Variants in ACER1 observed in about 807,000 individuals in gnomAD.
ACER1 encodes alkaline ceramidase 1, also known as CTB-180A7.3.
A neutral mutation model predicts 24.9 loss-of-function variants in ACER1; 28 were observed. That is an observed-to-expected ratio of 1.13 (90% CI 0.83 to 1.54). ACER1 has a LOEUF of 1.54. Among genes scored for constraint, ACER1 ranks in the 40% most tolerant of loss-of-function variants. The pLI, the probability that ACER1 is intolerant of heterozygous loss-of-function variation, is 0.00. For synonymous variants in ACER1, 132 were observed against 131.4 expected (o/e 1.00, Z -0.03); for missense variants, 352 against 349.3 (o/e 1.01, Z -0.06).
chr19:6,312,028 A>C, intron 3 of ACER1, 121 bp downstream of exon 3: 751 of 1,212,104 alleles, frequency 6.2e-4, no homozygotes, highest in Non-Finnish European at 7.8e-4. Flanking sequence ...TGGTCAGGGG[A>C]GGAATTCCAA....
chr19:6,308,195 G>A (rs981790682), intron 4 of ACER1, among the ~76,000 whole-genome samples: 5 of 152,140 alleles, frequency 3.3e-5, no homozygotes, highest in African/African-American at 1.2e-4. Context: ...AGCACTTTGG[G>A]AGGCCGAGGC....
chr19:6,311,963 G>C (rs889876282), intron 3 of ACER1, among the ~76,000 whole-genome samples, 186 bp downstream of exon 3: 2 of 152,080 alleles, frequency 1.3e-5, no homozygotes. Context: ...TAAGCTCAGG[G>C]GAGGGGTCTC....
intron 1 of ACER1, among the ~76,000 whole-genome samples, chr19:6,323,497 G>A (rs1045416204): frequency 1.3e-5 from 2 of 152,036 alleles, no homozygotes; most frequent in East Asian, 1.9e-4. Flanking sequence ...TGCCATCCAC[G>A]TAAGATGTGA....
chr19:6,323,322 A>C (rs543415014), intron 1 of ACER1, among the ~76,000 whole-genome samples: 23 of 150,580 alleles, frequency 1.5e-4, no homozygotes, highest in Non-Finnish European at 3.1e-4. Flanking sequence ...TGGGAGGCTG[A>C]GGCAGGAGAA....
intron 1 of ACER1, among the ~76,000 whole-genome samples, chr19:6,325,159 C>G (rs760496133): frequency 3.9e-5 from 6 of 152,188 alleles, no homozygotes; most frequent in Non-Finnish European, 5.9e-5. Flanking sequence ...TGACTCTCCT[C>G]TGTTCAAAAG....
intron 1 of ACER1, among the ~76,000 whole-genome samples, chr19:6,324,860 AAAGGAAGGAAGG>A (rs775468275): frequency 0.021 from 2,062 of 100,260 alleles, 53 homozygotes; most frequent in African/African-American, 0.073. Flanking sequence ...AGAGAGAGAG[AAAGGAAGGAAGG>A]AAGGAAGGAA....
At chr19:6,357,041 A>C in the ACER1 span, among the ~76,000 whole-genome samples, 25 of 136,136 alleles carry the variant, frequency 1.8e-4, no homozygotes, top group East Asian at 6.0e-3. Flanking sequence ...CTGAGCTGAG[A>C]CTTTTTTTTT....
At chr19:6,342,067 G>GTT in the ACER1 span, among the ~76,000 whole-genome samples, 1 of 151,872 alleles carries the variant, frequency 6.6e-6, no homozygotes, top group African/African-American at 2.4e-5. Flanking sequence ...TAAAGACAGT[G>GTT]TTTAAGTCAA....
At chr19:6,308,015 G>A (rs547326408) in intron 4 of ACER1, among the ~76,000 whole-genome samples, 1 of 149,738 alleles carries the variant, frequency 6.7e-6, no homozygotes, top group African/African-American at 2.5e-5. Context: ...CCCAAGAGGC[G>A]GAGGTTGCAA....
At chr19:6,336,103 G>A (rs970010452), upstream of ACER1, among the ~76,000 whole-genome samples, 2 of 152,026 alleles carry the variant, frequency 1.3e-5, no homozygotes, top group Admixed American at 1.3e-4. Context: ...GTTTCACCAT[G>A]TTGGCCAGGC....
At chr19:6,337,404 T>C (rs1045723869), upstream of ACER1, among the ~76,000 whole-genome samples, 5 of 152,028 alleles carry the variant, frequency 3.3e-5, no homozygotes, top group Non-Finnish European at 7.4e-5. Context: ...CTTGTATTCA[T>C]GGTAAGCCAA....
intron 1 of ACER1, among the ~76,000 whole-genome samples, chr19:6,319,574 C>G (rs1034786166): frequency 6.6e-6 from 1 of 151,990 alleles, no homozygotes; most frequent in African/African-American, 2.4e-5. Context: ...TGCTCAAGGA[C>G]CATACCAGTG....
intron 1 of ACER1, among the ~76,000 whole-genome samples, chr19:6,333,022 A>T (rs2091696105): frequency 6.6e-6 from 1 of 152,046 alleles, no homozygotes; most frequent in African/African-American, 2.4e-5. Context: ...GCACACTGGG[A>T]CAAGTTGGTC....
chr19:6,324,523 C>G (rs1472329474), intron 1 of ACER1, among the ~76,000 whole-genome samples: 1 of 150,148 alleles, frequency 6.7e-6, no homozygotes, highest in East Asian at 2.0e-4. Context: ...TTTGGGAGGC[C>G]GAGGCGGGCA....
chr19:6,349,160 G>GGAAGAA, the ACER1 span, among the ~76,000 whole-genome samples: 7 of 149,816 alleles, frequency 4.7e-5, no homozygotes, highest in Admixed American at 3.4e-4. Context: ...GAAGGAAGAA[G>GGAAGAA]GAAGAAGAAG....
the ACER1 span, among the ~76,000 whole-genome samples, chr19:6,341,783 C>G: frequency 6.6e-6 from 1 of 152,066 alleles, no homozygotes; most frequent in Non-Finnish European, 1.5e-5. Flanking sequence ...CACCCGCCAC[C>G]ATGCCCGGCT....
chr19:6,337,768 T>C (rs1287289471), upstream of ACER1, among the ~76,000 whole-genome samples: 16 of 140,892 alleles, frequency 1.1e-4, no homozygotes, highest in East Asian at 3.8e-3. Flanking sequence ...CTCCGCCTCC[T>C]GGGTTCATGC....
At chr19:6,354,312 A>AT in the ACER1 span, among the ~76,000 whole-genome samples, 30 of 137,980 alleles carry the variant, frequency 2.2e-4, no homozygotes, top group Non-Finnish European at 4.1e-4. Flanking sequence ...TTAGGGGGGC[A>AT]TTTTTTTTAA....
chr19:6,307,130 A>G, intron 5 of ACER1, 23 bp downstream of exon 5: 1 of 1,612,728 alleles, frequency 6.2e-7, no homozygotes, highest in Non-Finnish European at 8.5e-7. Flanking sequence ...TGGGCCCCCC[A>G]CAGCCTCAGA....
Sources: allele counts gnomAD v4.1 joint callset (sites outside exome capture counted in the v4.1 genomes callset), GRCh38; gene constraint gnomAD v4.1.1; transcripts MANE v1.5; gene names NCBI Gene and HGNC (gene_info 2026-07-23, HGNC 2026-07-21).